Variants in NAALADL2 observed in about 807,000 individuals in gnomAD.
NAALADL2 encodes the protein N-acetylated alpha-linked acidic dipeptidase like 2.
A neutral mutation model predicts 87.2 loss-of-function variants in NAALADL2; 76 were observed. The ratio of observed to expected loss-of-function variants is 0.87; its 90% CI spans 0.72 to 1.05. NAALADL2 has a LOEUF of 1.05. Among genes scored for constraint, NAALADL2 ranks in the 50% least tolerant of loss-of-function variants. The probability of loss-of-function intolerance (pLI) is 0.00; values close to 1 mark genes in which losing one functional copy is unlikely to be tolerated. For missense variants in NAALADL2, 1,089 were observed against 945.8 expected, an observed-to-expected ratio of 1.15 and a Z score of -1.99; for synonymous variants, 354 against 331.0, an observed-to-expected ratio of 1.07 and a Z score of -0.75.
chr3:174,661,765 A>G (rs1213462653), intron 2 of NAALADL2, among the ~76,000 whole-genome samples: 3 of 151,926 alleles, frequency 2.0e-5, no homozygotes, highest in African/African-American at 7.2e-5. Context: ...ACTATTCCAC[A>G]CTCTGTGTCC....
intron 3 of NAALADL2, among the ~76,000 whole-genome samples, chr3:175,250,726 T>C (rs1748905361): frequency 6.6e-6 from 1 of 152,188 alleles, no homozygotes; most frequent in Non-Finnish European, 1.5e-5. Context: ...TGAGCATCAT[T>C]TTCCTTATCT....
intron 1 of NAALADL2, among the ~76,000 whole-genome samples, chr3:175,073,570 C>T (rs143097073): frequency 2.0e-3 from 307 of 151,962 alleles, no homozygotes; most frequent in Admixed American, 4.5e-3. Flanking sequence ...TGAAAATGTT[C>T]GAGTGTTATT....
rs560972866 is a variant in NAALADL2, at chr3:175,256,593, T to C, written c.939+63T>C. The C allele has an allele frequency of 9.9e-5, 153 of 1,540,174 alleles. 1 individual carries two copies. The African/African-American group carries it at 1.6e-3, about 16-fold the overall frequency. On this transcript the variant is annotated intron_variant, in intron 4 of 13. Transcript: ENST00000454872. ...ATTTTGCCTTGTTTTGTTGGAATTA[T>C]ATGCTTTTGTGAGTGTGGAGTGTGT...
chr3:174,929,926 G>A (rs1269337007), intron 1 of NAALADL2, among the ~76,000 whole-genome samples: 1 of 152,062 alleles, frequency 6.6e-6, no homozygotes, highest in African/African-American at 2.4e-5. Context: ...GTGTATGTAA[G>A]GAAGTAAGGA....
chr3:175,620,765 T>C (rs367995244), intron 10 of NAALADL2, among the ~76,000 whole-genome samples: 124 of 152,232 alleles, frequency 8.1e-4, no homozygotes, highest in African/African-American at 2.6e-3. Flanking sequence ...TTGCCGCTCT[T>C]TTCGTGCCTG....
intron 1 of NAALADL2, among the ~76,000 whole-genome samples, chr3:175,000,774 TG>T (rs1748119248): frequency 6.6e-6 from 1 of 152,218 alleles, no homozygotes; most frequent in Non-Finnish European, 1.5e-5. Context: ...AAAATGTTTT[TG>T]TATGCAGAGC....
intron 11 of NAALADL2, among the ~76,000 whole-genome samples, chr3:175,684,968 A>G (rs976632948): frequency 1.3e-5 from 2 of 152,234 alleles, no homozygotes; most frequent in African/African-American, 4.8e-5. Context: ...ACAGTGGAAT[A>G]AGTAATGTGG....
chr3:174,657,579 A>G (rs367777533), intron 2 of NAALADL2, among the ~76,000 whole-genome samples: 20 of 152,256 alleles, frequency 1.3e-4, no homozygotes, highest in East Asian at 5.8e-4. Flanking sequence ...CCCACTATCA[A>G]TATTTTAGTT....
intron 1 of NAALADL2, among the ~76,000 whole-genome samples, chr3:175,053,302 T>A (rs1056030357): frequency 2.6e-5 from 4 of 152,214 alleles, no homozygotes; most frequent in African/African-American, 7.2e-5. Context: ...GCAATGGTGA[T>A]CACCGCTATC....
chr3:175,012,650 T>C (rs1750002844), intron 1 of NAALADL2, among the ~76,000 whole-genome samples: 1 of 152,104 alleles, frequency 6.6e-6, no homozygotes, highest in Admixed American at 6.6e-5. Flanking sequence ...CCACCTGTTT[T>C]TGTAAGTAAA....
intron 2 of NAALADL2, among the ~76,000 whole-genome samples, chr3:175,167,348 C>A (rs1247661573): frequency 6.6e-6 from 1 of 152,100 alleles, no homozygotes; most frequent in Non-Finnish European, 1.5e-5. Flanking sequence ...CTCTGCTTAA[C>A]ACCCACCCTG....
chr3:174,965,565 T>C (rs1742748154), intron 1 of NAALADL2, among the ~76,000 whole-genome samples: 1 of 152,092 alleles, frequency 6.6e-6, no homozygotes, highest in Non-Finnish European at 1.5e-5. Context: ...AGATGGGAAG[T>C]TAATTGAAAT....
intron 5 of NAALADL2, among the ~76,000 whole-genome samples, chr3:175,383,682 GA>G (rs992169235): frequency 3.3e-5 from 5 of 151,550 alleles, no homozygotes; most frequent in East Asian, 1.9e-4. Flanking sequence ...GAGTATAAGG[GA>G]AAAAAAATGT....
intron 13 of NAALADL2, among the ~76,000 whole-genome samples, chr3:175,768,762 G>T (rs1301368554): frequency 6.6e-6 from 1 of 151,016 alleles, no homozygotes; most frequent in Non-Finnish European, 1.5e-5. Context: ...TGAGACAGGA[G>T]AATCAGTTGA....
intron 5 of NAALADL2, among the ~76,000 whole-genome samples, chr3:175,343,589 G>T (rs12635411): frequency 0.35 from 51,849 of 149,264 alleles, 9,817 homozygotes; most frequent in East Asian, 0.65. Flanking sequence ...TGCGCCACCT[G>T]GTCTTTCATG....
chr3:175,336,086 C>T (rs1761942693), intron 5 of NAALADL2, among the ~76,000 whole-genome samples: 1 of 151,984 alleles, frequency 6.6e-6, no homozygotes, highest in Admixed American at 6.6e-5. Context: ...CTCGCTGCTT[C>T]CTTTTGGGTA....
intron 2 of NAALADL2, among the ~76,000 whole-genome samples, chr3:175,153,683 G>A (rs899310094): frequency 2.0e-5 from 3 of 152,136 alleles, no homozygotes; most frequent in African/African-American, 4.8e-5. Context: ...ATGTGATATC[G>A]AAAAAGTAAA....
Position 174,481,601 on chromosome 3 carries a change from T to C in NAALADL2, c.-184+40569T>C, listed in dbSNP as rs556717871. 3.9e-5 allele frequency among the ~76,000 whole-genome samples: 6 copies of C among 152,230 alleles called. No individual in the cohort carries two copies. The South Asian group carries it at 1.2e-3, about 32-fold the overall frequency. ...GGGGCCCCTAAGACCACACCCAGTT[T>C]TGATGACTTGCTAGGAGGAATTACA... On this transcript the variant is annotated intron_variant, in intron 1 of 3. Coordinates refer to the NAALADL2 transcript ENST00000434257.
intron 11 of NAALADL2, among the ~76,000 whole-genome samples, chr3:175,678,702 C>T (rs1735170639): frequency 6.6e-6 from 1 of 152,090 alleles, no homozygotes; most frequent in Admixed American, 6.5e-5. Flanking sequence ...GGGTGGGGAA[C>T]ATCACACACC....
Sources: allele counts gnomAD v4.1 joint callset (sites outside exome capture counted in the v4.1 genomes callset), GRCh38; gene constraint gnomAD v4.1.1; transcripts MANE v1.5; gene names NCBI Gene and HGNC (gene_info 2026-07-23, HGNC 2026-07-21).